TTC39B: variants seen among roughly 807,000 people sequenced by gnomAD.
The protein encoded by TTC39B is tetratricopeptide repeat domain 39B, also known as tetratricopeptide repeat protein 39B.
In TTC39B, 92 loss-of-function variants were observed where a neutral mutation model predicts 96.6. That is an observed-to-expected ratio of 0.95 (90% confidence interval 0.80 to 1.13). The LOEUF is 1.13. Ranked by LOEUF, TTC39B falls within the 50% of genes most tolerant of loss-of-function variation. TTC39B has a pLI of 0.00. For missense variants in TTC39B, 955 were observed against 809.3 expected (o/e 1.18, Z -2.18); for synonymous variants, 367 against 299.4 (o/e 1.23, Z -2.33).
At chr9:15,247,832 A>G (rs935537415) in intron 2 of TTC39B, among the ~76,000 whole-genome samples, 12 of 151,180 alleles carry the variant, frequency 7.9e-5, no homozygotes, top group African/African-American at 2.2e-4. Flanking sequence ...GCTTTAGGAG[A>G]AAAAAGAAGA....
chr9:15,207,745 G>C (rs965634134), intron 6 of TTC39B, among the ~76,000 whole-genome samples: 1 of 151,856 alleles, frequency 6.6e-6, no homozygotes, highest in Non-Finnish European at 1.5e-5. Context: ...CAGTACTTCG[G>C]GAGGCTGAGG....
chr9:15,299,546 T>A lies in TTC39B; in HGVS notation c.240+7538A>T, dbSNP rs543841615. Among the ~76,000 whole-genome samples, 17 of 151,300 alleles carry A rather than the reference T, an allele frequency of 1.1e-4. No individual in the cohort carries two copies. The South Asian group carries it at 3.6e-3, about 32-fold the overall frequency. On this transcript the variant is annotated intron_variant, in intron 1 of 19. Transcript: ENST00000512701. ...GAAGCACAGGGGGAGAAAAGGAGAG[T>A]GCTGACTAAGGTGGTGGCCAATGGG...
At chr9:15,238,972 G>A (rs574067329) in intron 2 of TTC39B, among the ~76,000 whole-genome samples, 80 of 152,250 alleles carry the variant, frequency 5.3e-4, no homozygotes, top group African/African-American at 1.9e-3. Flanking sequence ...GTGACAGAGT[G>A]AGACCCTGTC....
At chr9:15,216,399 T>C (rs895923389) in intron 3 of TTC39B, among the ~76,000 whole-genome samples, 2 of 152,166 alleles carry the variant, frequency 1.3e-5, no homozygotes, top group Admixed American at 1.3e-4. Context: ...ACACCTCCTC[T>C]AGGATGGAGT....
chr9:15,166,721 A>T (rs1187675418), exon 20 of TTC39B: 1 of 151,948 alleles, frequency 6.6e-6, no homozygotes, highest in Non-Finnish European at 1.5e-5. Flanking sequence ...AGACAAAAAT[A>T]TGTAAATAAC....
At chr9:15,248,973 T>C (rs893215587) in intron 2 of TTC39B, 3 of 152,150 alleles carry the variant, frequency 2.0e-5, no homozygotes. Flanking sequence ...ATATCAACTT[T>C]TAAAAATCAT....
intron 3 of TTC39B, among the ~76,000 whole-genome samples, chr9:15,221,547 T>C (rs1000294174): frequency 6.6e-6 from 1 of 152,180 alleles, no homozygotes; most frequent in Non-Finnish European, 1.5e-5. Flanking sequence ...GGTGCTGGAA[T>C]GAGCCAGGAG....
rs201533676 is a variant in TTC39B, at chr9:15,268,360, T to C, written c.241-412A>G. 3.9e-5 allele frequency among the ~76,000 whole-genome samples: 6 copies of C among 152,146 alleles called. No homozygotes were observed. In the East Asian group the frequency reaches 9.6e-4, roughly 24 times the overall value. On this transcript the variant is annotated intron_variant, in intron 1 of 19. Transcript: ENST00000512701. ...ATCCTCTGGGCCTTCATTTCACATATTGCACCACCCTCTCAGCTCGTCTCC... is the reference window on the plus strand; with the variant it reads ...ATCCTCTGGGCCTTCATTTCACATACTGCACCACCCTCTCAGCTCGTCTCC...
At chr9:15,179,730 C>T (rs546814347) in intron 17 of TTC39B, among the ~76,000 whole-genome samples, 9 of 152,164 alleles carry the variant, frequency 5.9e-5, no homozygotes, top group East Asian at 3.9e-4. Context: ...AGCATTGTAT[C>T]GACAGTTTGT....
At chr9:15,263,882 T>C (rs1479174456) in intron 2 of TTC39B, among the ~76,000 whole-genome samples, 1 of 152,170 alleles carries the variant, frequency 6.6e-6, no homozygotes, top group East Asian at 1.9e-4. Context: ...CACAAACGTT[T>C]AAGCGACAGT....
intron 7 of TTC39B, 51 bp downstream of exon 7, chr9:15,203,772 G>C: frequency 6.7e-7 from 1 of 1,486,172 alleles, no homozygotes; most frequent in Non-Finnish European, 9.3e-7. Context: ...TTTCTATGCA[G>C]CACTGGCAGT....
chr9:15,269,235 T>C (rs1008904993), intron 1 of TTC39B, among the ~76,000 whole-genome samples: 1 of 152,254 alleles, frequency 6.6e-6, no homozygotes, highest in Non-Finnish European at 1.5e-5. Context: ...TTCATAGCAC[T>C]TATCATAATC....
intron 2 of TTC39B, among the ~76,000 whole-genome samples, chr9:15,248,685 C>G (rs987341598): frequency 3.9e-5 from 6 of 152,114 alleles, no homozygotes; most frequent in African/African-American, 9.7e-5. Flanking sequence ...GCAGAATTTC[C>G]TAATTTTAGC....
At chr9:15,301,995 A>G (rs1229385956) in intron 1 of TTC39B, among the ~76,000 whole-genome samples, 3 of 152,164 alleles carry the variant, frequency 2.0e-5, no homozygotes, top group Non-Finnish European at 4.4e-5. Context: ...TTAATTCAAT[A>G]ACAGGATCAG....
intron 2 of TTC39B, chr9:15,250,208 C>G (rs931497665): frequency 8.8e-7 from 1 of 1,132,568 alleles, no homozygotes; most frequent in Non-Finnish European, 1.1e-6. Flanking sequence ...ACTGCTGTAG[C>G]GGATGCTTCT....
chr9:15,207,275 C>T (rs1478517142), intron 6 of TTC39B, among the ~76,000 whole-genome samples: 4 of 152,196 alleles, frequency 2.6e-5, no homozygotes, highest in East Asian at 1.9e-4. Context: ...GCTGGGATTA[C>T]AGGCACAAGC....
intron 2 of TTC39B, among the ~76,000 whole-genome samples, chr9:15,252,355 T>C (rs1161628268): frequency 2.0e-5 from 3 of 152,088 alleles, no homozygotes; most frequent in Non-Finnish European, 4.4e-5. Flanking sequence ...CTTTAAGAAA[T>C]TACAAAAGGT....
chr9:15,213,266 G>T (rs921791363), intron 4 of TTC39B, among the ~76,000 whole-genome samples: 1 of 152,098 alleles, frequency 6.6e-6, no homozygotes, highest in African/African-American at 2.4e-5. Flanking sequence ...GCAGAGGACA[G>T]GCAAGGTGGA....
intron 18 of TTC39B, among the ~76,000 whole-genome samples, chr9:15,177,106 C>T (rs921812339): frequency 2.0e-5 from 3 of 152,168 alleles, no homozygotes; most frequent in Admixed American, 6.5e-5. Context: ...CCAGCACAGT[C>T]TCTGGCATAT....
Sources: gnomAD v4.1 joint callset for allele counts (sites outside exome capture counted in the v4.1 genomes callset) on GRCh38, gnomAD v4.1.1 for gene constraint, MANE v1.5 for transcripts, NCBI Gene and HGNC (gene_info 2026-07-23, HGNC 2026-07-21) for gene names.